The following ATP1A3 variants were observed in gnomAD, a reference collection of about 807,000 sequenced individuals.
The protein encoded by ATP1A3 is sodium/potassium-transporting ATPase subunit alpha-3.
A neutral mutation model predicts 108.8 loss-of-function variants in ATP1A3; 12 were observed. That is an observed-to-expected ratio of 0.11 (90% CI 0.07 to 0.18). The LOEUF (loss-of-function observed/expected upper bound fraction) is 0.18. ATP1A3 is among the 10% of genes least tolerant of loss of function. The pLI is 1.00. For synonymous variants in ATP1A3, 539 were observed against 564.5 expected (o/e 0.95, Z 0.64); for missense variants, 498 against 1,387.7 (o/e 0.36, Z 10.19).
At chr19:41,987,014 G>A (rs1455968572) in intron 4 of ATP1A3, among the ~76,000 whole-genome samples, 1 of 152,178 alleles carries the variant, frequency 6.6e-6, no homozygotes, top group East Asian at 1.9e-4. Context: ...AAGGTGCTGG[G>A]ATGACAGGCG....
At chr19:41,986,311 G>T in intron 4 of ATP1A3, 82 bp from the exon 5 acceptor site, 1 of 1,388,230 alleles carries the variant, frequency 7.2e-7, no homozygotes, top group Non-Finnish European at 1.0e-6. Flanking sequence ...GTCTGGGAAG[G>T]GAGCTTTGTG....
chr19:41,984,289 G>C (rs1014631812), intron 8 of ATP1A3: 1 of 152,618 alleles, frequency 6.6e-6, no homozygotes, highest in African/African-American at 2.4e-5. Flanking sequence ...GCAATGGCGT[G>C]ATCTTGGCTC....
intron 4 of ATP1A3, chr19:41,986,486 A>G: frequency 2.6e-6 from 1 of 384,964 alleles, no homozygotes; most frequent in Non-Finnish European, 5.0e-6. Context: ...TCTGTCGCCC[A>G]GGCTGGAGTG....
chr19:41,993,262 G>A (rs1250621345), intron 1 of ATP1A3: 13 of 873,666 alleles, frequency 1.5e-5, no homozygotes, highest in East Asian at 2.9e-5. Flanking sequence ...GGAGGGAGGC[G>A]GCATCTGCTG....
chr19:41,976,340 A>T (rs1038880012), intron 15 of ATP1A3, 76 bp downstream of exon 15: 2 of 1,586,080 alleles, frequency 1.3e-6, no homozygotes, highest in East Asian at 4.6e-5. Context: ...CCTCAGACCC[A>T]GGAAACCAGG....
At position 41,977,347 on chromosome 19, in the gene ATP1A3, A is replaced by T. The variant is rs1214648533; in HGVS notation, c.1943+589T>A. 2.0e-5 allele frequency among the ~76,000 whole-genome samples: 3 copies of T among 152,090 alleles called. No individual in the cohort carries two copies. The East Asian group carries it at 5.8e-4, about 29-fold the overall frequency. ...GAGATGGGCAAACTGAAGTTCATGG[A>T]TGCTAAAGGACTTGCCCAATGTCAC... On this transcript the variant is annotated intron_variant, in intron 14 of 22. Transcript: ENST00000648268.
In ATP1A3 at chr19:41,981,206, C is replaced by T. The variant is rs1202372864; in HGVS notation, c.1437+296G>A. Among the ~76,000 whole-genome samples the T allele has an allele frequency of 6.6e-6, 1 of 151,768 alleles. No homozygotes were observed. Among genetic ancestry groups the T allele is most frequent in the African/African-American group, 2.4e-5 (1 of 41,284 alleles). ...TACAGATGGGGTTTTGCCATCTTGC[C>T]CAGGCTCGTCTCGAACTCCTGGCCT... On this transcript the variant is annotated intron_variant, in intron 11 of 22. Coordinates refer to ENST00000648268, the MANE Select transcript of ATP1A3 (RefSeq NM_152296.5). The surrounding 1 kb of genome is among the most constrained non-coding windows in gnomAD (Gnocchi z 5.0).
chr19:41,969,667 C>T (rs1192020626), intron 18 of ATP1A3, 87 bp from the exon 19 acceptor site: 2 of 1,549,946 alleles, frequency 1.3e-6, no homozygotes, highest in Non-Finnish European at 8.8e-7. Context: ...CGGAGGCCTC[C>T]TTGGAGAGGG....
intron 11 of ATP1A3, among the ~76,000 whole-genome samples, chr19:41,979,151 C>T (rs1273495852): frequency 8.6e-5 from 13 of 151,822 alleles, no homozygotes; most frequent in East Asian, 3.9e-4. Flanking sequence ...TTACAGGCAC[C>T]ACCACCACAC....
chr19:41,976,781 G>GATTT lies in ATP1A3; in HGVS notation c.1944-219_1944-216dup, dbSNP rs1274786274. 7.2e-4 allele frequency among the ~76,000 whole-genome samples: 110 copies of GATTT among 151,916 alleles called. 1 individual carries two copies. Among genetic ancestry groups the GATTT allele is most frequent in the African/African-American group, 2.0e-3 (82 of 41,474 alleles). ...CCTGAGGAAGGACTTTGGGGCAGTG[G>GATTT]ATTTATTTATTTATTTATTTATTAT... On this transcript the variant is annotated intron_variant, in intron 14 of 22. Transcript: ENST00000648268.
Position 41,994,175 on chromosome 19 carries a change from C to T in ATP1A3, c.-99G>A. The T allele has an allele frequency of 8.2e-7, 1 of 1,215,908 alleles. No individual in the cohort carries two copies. Among genetic ancestry groups the T allele is most frequent in the Non-Finnish European group, 1.1e-6 (1 of 909,660 alleles). The allele number at this position is 1,215,908 out of a possible 1,614,324, so 75.3% of individuals were successfully genotyped here. On this transcript the variant is annotated 5_prime_UTR_variant, in exon 1 of 23. Coordinates refer to ENST00000648268, the MANE Select transcript of ATP1A3 (RefSeq NM_152296.5). The stretch of plus-strand genomic sequence containing the variant: ...GCTGGGAGCCTCTGCAGCGCCCGCG[C>T]CTCGGTAGGTGCGCGCGTCCGTCCG...
chr19:41,970,350 C>CTCCGCCAGGAGG, intron 17 of ATP1A3, 38 bp downstream of exon 17: 1 of 1,613,642 alleles, frequency 6.2e-7, no homozygotes, highest in Non-Finnish European at 8.5e-7. Context: ...GGGAGGACTC[C>CTCCGCCAGGAGG]ACCCTCCTGG....
intron 22 of ATP1A3, 24 bp from the exon 23 acceptor site, chr19:41,966,989 AAG>A: frequency 6.4e-7 from 1 of 1,551,602 alleles, no homozygotes; most frequent in Non-Finnish European, 8.7e-7. Flanking sequence ...GAAGGAAAGA[AAG>A]AGACAGAGTA....
intron 11 of ATP1A3, among the ~76,000 whole-genome samples, chr19:41,980,302 G>T (rs2075216453): frequency 6.6e-6 from 1 of 152,218 alleles, no homozygotes; most frequent in African/African-American, 2.4e-5. Context: ...CCTAACATGT[G>T]GTGGCTGGTC....
Position 41,968,907 on chromosome 19 carries a change from C to T in ATP1A3, c.2697G>A (p.Glu899=). The T allele has an allele frequency of 6.2e-7, 1 of 1,613,892 alleles. No homozygotes were observed. The highest frequency in any genetic ancestry group is 8.5e-7 in the Non-Finnish European group (1 of 1,179,830). The change falls in exon 20 of 23, where the codon GAG becomes GAA. Residue 899 remains glutamate, a synonymous_variant. Coordinates refer to ENST00000648268, the MANE Select transcript of ATP1A3 (RefSeq NM_152296.5). This position sits in a 1 kb window ranked among gnomAD's most constrained non-coding sequence, Gnocchi z 5.0. ...AGGTGAACTCCACCACCTTCCTCTG[C>T]TCGTATGTCTGCAGGAGCGGTGACC... ...EDSYGQQWTY[E]QRKVVEFTCH...
chr19:41,970,758 A>G (rs1362263840), intron 16 of ATP1A3, among the ~76,000 whole-genome samples: 1 of 147,936 alleles, frequency 6.8e-6, no homozygotes, highest in Non-Finnish European at 1.5e-5. Context: ...CAGCCTCCCG[A>G]GTAGCTGGCA....
chr19:41,974,241 A>G (rs2075142719), intron 16 of ATP1A3, among the ~76,000 whole-genome samples: 2 of 151,826 alleles, frequency 1.3e-5, no homozygotes, highest in African/African-American at 4.8e-5. Context: ...AAAAAAAAAG[A>G]AAGACTAGTC....
chr19:41,976,716 A>C (rs1298256452), intron 14 of ATP1A3, 150 bp from the exon 15 acceptor site: 1 of 1,086,496 alleles, frequency 9.2e-7, no homozygotes, highest in East Asian at 2.6e-5. Flanking sequence ...TGGGAGAAGC[A>C]GGGGAGAAGG....
At chr19:41,989,075 G>T (rs1462465931) in intron 1 of ATP1A3, among the ~76,000 whole-genome samples, 2 of 152,156 alleles carry the variant, frequency 1.3e-5, no homozygotes, top group African/African-American at 4.8e-5. Context: ...GTGTAGCTGG[G>T]ACTACAGGTG....
Sources: allele counts gnomAD v4.1 joint callset (sites outside exome capture counted in the v4.1 genomes callset), GRCh38; gene constraint gnomAD v4.1.1; non-coding constraint Gnocchi (gnomAD v3.1); transcripts MANE v1.5; gene names NCBI Gene and HGNC (gene_info 2026-07-23, HGNC 2026-07-21).